Variants in ARHGAP26 observed in about 807,000 individuals in gnomAD.
ARHGAP26 encodes rho GTPase-activating protein 26.
A neutral mutation model predicts 104.8 loss-of-function variants in ARHGAP26; 38 were observed. The ratio of observed to expected loss-of-function variants is 0.36; its 90% CI spans 0.28 to 0.48. The LOEUF is 0.48. ARHGAP26 is among the 20% of genes least tolerant of loss of function. ARHGAP26 has a pLI of 0.99. For missense variants in ARHGAP26, 704 were observed against 947.9 expected, an observed-to-expected ratio of 0.74 and a Z score of 3.38; for synonymous variants, 341 against 340.0, an observed-to-expected ratio of 1.00 and a Z score of -0.03.
chr5:142,802,942 A>T (rs1012700727), intron 1 of ARHGAP26, among the ~76,000 whole-genome samples: 1 of 152,248 alleles, frequency 6.6e-6, no homozygotes, highest in African/African-American at 2.4e-5. Flanking sequence ...TCAAGGATTC[A>T]GTAAGCCTCT....
At chr5:143,024,618 G>T (rs897987247) in intron 12 of ARHGAP26, among the ~76,000 whole-genome samples, 9 of 152,140 alleles carry the variant, frequency 5.9e-5, no homozygotes, top group Admixed American at 5.9e-4. Flanking sequence ...TGTTTATTGA[G>T]TACATACTGG....
intron 20 of ARHGAP26, among the ~76,000 whole-genome samples, chr5:143,166,841 C>A (rs1440077979): frequency 6.6e-6 from 1 of 152,210 alleles, no homozygotes; most frequent in Non-Finnish European, 1.5e-5. Flanking sequence ...CAGACAATTA[C>A]AACAAACTTG....
chr5:143,037,399 G>T (rs1782823612), intron 13 of ARHGAP26, 138 bp downstream of exon 13: 3 of 570,870 alleles, frequency 5.3e-6, no homozygotes, highest in Non-Finnish European at 5.6e-6. Flanking sequence ...ATTTCCACAA[G>T]TCTTGTTGGT....
At chr5:143,216,417 C>G (rs540270516) in intron 22 of ARHGAP26, 3 of 417,226 alleles carry the variant, frequency 7.2e-6, no homozygotes, top group African/African-American at 6.1e-5. Flanking sequence ...ACAAGGCCCT[C>G]CAGGGCCCAG....
At position 142,903,542 on chromosome 5, in the gene ARHGAP26, A is replaced by C; in HGVS notation, c.705A>C (p.Thr235=). ...GAATAAAATTATTTTCATCCTAGACAAGAAATCGCTTTGAAGGCACTAGAT... is the reference window on the plus strand; with the variant it reads ...GAATAAAATTATTTTCATCCTAGACCAGAAATCGCTTTGAAGGCACTAGAT... The part of the protein sequence containing the change: ...KTQLTISIQN[T]RNRFEGTRSE... The change falls in exon 8 of 23, where the codon ACA becomes ACC. Residue 235 remains threonine, a splice_region_variant and synonymous_variant. Coordinates refer to ENST00000645722, the MANE Select transcript of ARHGAP26 (RefSeq NM_001135608.3). The C allele has an allele frequency of 6.2e-7, 1 of 1,612,504 alleles. No individual in the cohort carries two copies. The highest frequency in any genetic ancestry group is 8.5e-7 in the Non-Finnish European group (1 of 1,179,482).
chr5:143,067,260 G>A (rs1787634328), intron 17 of ARHGAP26, among the ~76,000 whole-genome samples: 1 of 151,946 alleles, frequency 6.6e-6, no homozygotes, highest in Admixed American at 6.6e-5. Context: ...GTTTTACTCA[G>A]TTTGACTGCC....
Position 143,222,476 on chromosome 5 carries a change from T to A in ARHGAP26, c.*30T>A, listed in dbSNP as rs770393303. On this transcript the variant is annotated 3_prime_UTR_variant, in exon 23 of 23. Transcript: ENST00000645722. ...GGGCCCCAGCAGAACTGCTGAGCTTTACATGGTATCCATGACAACTGCTGA... is the reference window on the plus strand; with the variant it reads ...GGGCCCCAGCAGAACTGCTGAGCTTAACATGGTATCCATGACAACTGCTGA... 11 of 1,546,074 alleles carry A rather than the reference T, an allele frequency of 7.1e-6. No homozygotes were observed. The highest frequency in any genetic ancestry group is 8.8e-6 in the Non-Finnish European group (10 of 1,133,968).
intron 1 of ARHGAP26, among the ~76,000 whole-genome samples, chr5:142,774,276 A>G (rs1164932422): frequency 6.6e-6 from 1 of 152,254 alleles, no homozygotes; most frequent in Non-Finnish European, 1.5e-5. Context: ...TTTATATAAC[A>G]TTGGCTGAAA....
intron 17 of ARHGAP26, among the ~76,000 whole-genome samples, chr5:143,070,171 C>G (rs974110513): frequency 1.3e-5 from 2 of 152,160 alleles, no homozygotes; most frequent in Admixed American, 6.5e-5. Context: ...TTCTTGTTCT[C>G]TGTATTAAAA....
chr5:143,152,407 A>C (rs1285263008), intron 20 of ARHGAP26, among the ~76,000 whole-genome samples: 1 of 152,222 alleles, frequency 6.6e-6, no homozygotes, highest in Admixed American at 6.5e-5. Context: ...CTATTAACAC[A>C]TCTTTTTAAA....
chr5:143,193,526 A>G (rs1250685703), intron 20 of ARHGAP26, among the ~76,000 whole-genome samples: 1 of 152,172 alleles, frequency 6.6e-6, no homozygotes, highest in Admixed American at 6.5e-5. Flanking sequence ...CTGGGATTAC[A>G]GGCGTGAGCC....
chr5:143,140,483 A>C (rs1007464760), intron 19 of ARHGAP26, among the ~76,000 whole-genome samples: 2 of 152,206 alleles, frequency 1.3e-5, no homozygotes, highest in Non-Finnish European at 2.9e-5. Flanking sequence ...GTGAGCCAGT[A>C]TATATAAAGT....
At chr5:143,151,387 T>C (rs748981465) in intron 20 of ARHGAP26, among the ~76,000 whole-genome samples, 7 of 152,222 alleles carry the variant, frequency 4.6e-5, no homozygotes, top group Non-Finnish European at 8.8e-5. Context: ...ACCAAACATA[T>C]TCTAAGCATA....
At chr5:142,799,534 AT>A (rs1761642492) in intron 1 of ARHGAP26, among the ~76,000 whole-genome samples, 1 of 152,200 alleles carries the variant, frequency 6.6e-6, no homozygotes, top group African/African-American at 2.4e-5. Flanking sequence ...AGCTGTAGGA[AT>A]GACATGTACC....
chr5:142,965,957 A>G (rs919577695), intron 11 of ARHGAP26, among the ~76,000 whole-genome samples: 10 of 152,202 alleles, frequency 6.6e-5, no homozygotes, highest in African/African-American at 2.2e-4. Flanking sequence ...TTAATCTTTA[A>G]TAGCCGGTTC....
At chr5:142,865,432 T>C (rs1340337307) in intron 1 of ARHGAP26, among the ~76,000 whole-genome samples, 2 of 152,024 alleles carry the variant, frequency 1.3e-5, no homozygotes, top group Non-Finnish European at 2.9e-5. Context: ...TACAGTTATG[T>C]ATAAGTCGTA....
At chr5:143,109,350 A>C (rs913815634) in intron 17 of ARHGAP26, among the ~76,000 whole-genome samples, 1 of 152,232 alleles carries the variant, frequency 6.6e-6, no homozygotes, top group African/African-American at 2.4e-5. Context: ...ATTTTAATTA[A>C]ATATGAACAG....
At chr5:142,919,736 C>A (rs1224430617) in intron 10 of ARHGAP26, among the ~76,000 whole-genome samples, 1 of 152,116 alleles carries the variant, frequency 6.6e-6, no homozygotes, top group Non-Finnish European at 1.5e-5. Context: ...ATGACTCATG[C>A]CTGTAATCCC....
At chr5:143,100,634 A>G (rs1188211212) in intron 17 of ARHGAP26, among the ~76,000 whole-genome samples, 5 of 152,256 alleles carry the variant, frequency 3.3e-5, no homozygotes, top group Admixed American at 2.6e-4. Context: ...GGTTTTGGAC[A>G]TAAAACCCAG....
Sources: gnomAD v4.1 joint callset for allele counts (sites outside exome capture counted in the v4.1 genomes callset) on GRCh38, gnomAD v4.1.1 for gene constraint, MANE v1.5 for transcripts, NCBI Gene and HGNC (gene_info 2026-07-23, HGNC 2026-07-21) for gene names.